The following CCDC141 variants were observed in gnomAD, a reference collection of about 807,000 sequenced individuals.
CCDC141 encodes coiled-coil domain-containing protein 141.
In CCDC141, 168 loss-of-function variants were observed where a neutral mutation model predicts 181.0. The ratio of observed to expected loss-of-function variants is 0.93; its 90% confidence interval spans 0.82 to 1.05. CCDC141 has a LOEUF of 1.05. Among genes scored for constraint, CCDC141 ranks in the 50% least tolerant of loss-of-function variants. CCDC141 has a pLI of 0.00. For missense variants in CCDC141, 1,902 were observed against 1,788.5 expected, an observed-to-expected ratio of 1.06 and a Z score of -1.14; for synonymous variants, 666 against 642.3, an observed-to-expected ratio of 1.04 and a Z score of -0.56.
intron 20 of CCDC141, among the ~76,000 whole-genome samples, chr2:178,850,894 T>G (rs987481597): frequency 6.6e-6 from 1 of 152,180 alleles, no homozygotes; most frequent in Admixed American, 6.5e-5. Context: ...ATTTTACAAA[T>G]GAGGAATGTG....
intron 4 of CCDC141, among the ~76,000 whole-genome samples, chr2:178,969,517 C>T (rs1690789283): frequency 6.6e-6 from 1 of 152,066 alleles, no homozygotes; most frequent in South Asian, 2.1e-4. Context: ...GAACCAATGA[C>T]AAAAAACACA....
At chr2:178,888,712 A>G (rs1363862726) in intron 8 of CCDC141, 44 bp from the exon 9 acceptor site, 1 of 1,545,622 alleles carries the variant, frequency 6.5e-7, no homozygotes, top group South Asian at 1.2e-5. Context: ...ACCCCAATAT[A>G]GAACACAGAA....
Position 178,865,846 on chromosome 2 carries a change from C to A in CCDC141, c.2645G>T (p.Trp882Leu). 1 of 1,607,180 alleles carries A rather than the reference C, an allele frequency of 6.2e-7. No homozygotes were observed. Among genetic ancestry groups the A allele is most frequent in the Non-Finnish European group, 8.5e-7 (1 of 1,176,430 alleles). ...TCCATACTCCTCAGCTTTGGCACGC[C>A]ACTTCATGCTGTCCTCCTCAAGGAG... ...LELLEEDSMK[W>L]RAKAEEYGRT... is the part of the protein sequence containing the mutation. Residue 882 changes from tryptophan (W) to leucine (L), a missense_variant, in exon 17 of 24, where the codon TGG (tryptophan) becomes TTG (leucine). Coordinates refer to ENST00000443758, the MANE Select transcript of CCDC141 (RefSeq NM_173648.4).
chr2:178,864,212 GAGA>G (rs1303705738), intron 17 of CCDC141, among the ~76,000 whole-genome samples: 1 of 152,050 alleles, frequency 6.6e-6, no homozygotes, highest in African/African-American at 2.4e-5. Flanking sequence ...GGAGGAGGAA[GAGA>G]AGGAGGGAAA....
At position 178,870,231 on chromosome 2, in the gene CCDC141, C is replaced by CAAAAAA. The variant is rs34625707; in HGVS notation, c.2206-932_2206-927dup. On this transcript the variant is annotated intron_variant, in intron 14 of 23. Transcript: ENST00000443758. ...TGGGCAACAGAGTAAGACTCTGTCT[C>CAAAAAA]AAAAAAAAAAAAAAAAAAAAAAAGA... Among the ~76,000 whole-genome samples, 285 of 60,186 alleles carry CAAAAAA rather than the reference C, an allele frequency of 4.7e-3. 11 individuals are homozygous for CAAAAAA. The highest frequency in any genetic ancestry group is 5.8e-3 in the Admixed American group (22 of 3,776). The allele number at this position is 60,186 out of a possible 152,430, so 39.5% of individuals were successfully genotyped here. A position where few individuals can be genotyped will look rare whatever the true frequency, so the allele number is the denominator to read the frequency against.
At position 178,884,946 on chromosome 2, in the gene CCDC141, C is replaced by T. The variant is rs762087554; in HGVS notation, c.1674G>A (p.Ser558=). The change falls in exon 11 of 24, where the codon TCG becomes TCA. Residue 558 remains serine, a synonymous_variant. Transcript: ENST00000443758. ...ATGCCACGTAAGTTTGCAGGACTTG[C>T]GATCTATAGTCAATGCTTTGGCCAA... ...NLFGQSIDYR[S]QVLQTYVAFL... 2.2e-5 allele frequency: 34 copies of T among 1,550,100 alleles called. No homozygotes were observed. In the South Asian group the frequency reaches 2.6e-4, roughly 12 times the overall value.
chr2:178,861,939 T>C (rs1490289085), intron 17 of CCDC141, among the ~76,000 whole-genome samples: 6 of 152,234 alleles, frequency 3.9e-5, no homozygotes, highest in Non-Finnish European at 4.4e-5. Flanking sequence ...TGTTTTGCCG[T>C]CTGTGCAAAC....
rs910695354 is a variant in CCDC141, at chr2:178,884,821, G to A, written c.1719+80C>T. The stretch of plus-strand genomic sequence containing the variant: ...AGAGGATATGGACCTACCCACCAAG[G>A]CAGAGCATATATCCCCACAGAAAGC... On this transcript the variant is annotated intron_variant, in intron 11 of 23. Coordinates refer to ENST00000443758, the MANE Select transcript of CCDC141 (RefSeq NM_173648.4). 7 of 1,171,990 alleles carry A rather than the reference G, an allele frequency of 6.0e-6. 1 individual carries two copies. In the Admixed American group the frequency reaches 8.5e-5, roughly 14 times the overall value. 72.6% of individuals were successfully genotyped at this position (1,171,990 alleles called of 1,614,324 possible). A position where few individuals can be genotyped will look rare whatever the true frequency, so the allele number is the denominator to read the frequency against.
In CCDC141 at chr2:178,878,067, G is replaced by C; in HGVS notation, c.1796C>G (p.Ala599Gly). 4 of 1,613,604 alleles carry C rather than the reference G, an allele frequency of 2.5e-6. No homozygotes were observed. The highest frequency in any genetic ancestry group is 3.4e-6 in the Non-Finnish European group (4 of 1,179,808). Residue 599 changes from alanine (A) to glycine (G), a missense_variant, in exon 12 of 24, where the codon GCC becomes GGC. Coordinates refer to ENST00000443758, the MANE Select transcript of CCDC141 (RefSeq NM_173648.4). ...IPQKEQDDAK[A>G]KHCSDSAEKQ... ...CTCAGCCGAGTCAGAACAATGCTTG[G>C]CTTTAGCATCATCCTGCTCCTTCTG...
At chr2:178,854,004 G>T (rs977367900) in intron 19 of CCDC141, among the ~76,000 whole-genome samples, 3 of 152,028 alleles carry the variant, frequency 2.0e-5, no homozygotes, top group Non-Finnish European at 4.4e-5. Context: ...ATGCTAAATG[G>T]CAAGAAAAAA....
At chr2:179,009,800 G>T (rs928143117) in intron 2 of CCDC141, among the ~76,000 whole-genome samples, 67 of 152,062 alleles carry the variant, frequency 4.4e-4, no homozygotes, top group African/African-American at 1.6e-3. Flanking sequence ...AAACCAACAA[G>T]AAATCCCTTT....
At chr2:178,964,755 T>C (rs1384102428) in intron 4 of CCDC141, among the ~76,000 whole-genome samples, 1 of 152,208 alleles carries the variant, frequency 6.6e-6, no homozygotes, top group African/African-American at 2.4e-5. Flanking sequence ...AAGTGATGTG[T>C]TTTTCCCCAA....
intron 6 of CCDC141, chr2:178,926,575 T>A (rs1366789115): frequency 6.6e-6 from 1 of 152,206 alleles, no homozygotes; most frequent in Non-Finnish European, 1.5e-5. Context: ...CTGTGCAATA[T>A]TGGATATCAT....
intron 2 of CCDC141, among the ~76,000 whole-genome samples, chr2:179,041,373 T>C (rs111675787): frequency 7.7e-4 from 117 of 152,252 alleles, no homozygotes; most frequent in African/African-American, 2.7e-3. Flanking sequence ...TTGATTTACA[T>C]TTCTCTAATG....
intron 2 of CCDC141, among the ~76,000 whole-genome samples, chr2:179,038,815 T>C (rs1016174285): frequency 2.6e-5 from 4 of 152,176 alleles, no homozygotes; most frequent in Non-Finnish European, 4.4e-5. Flanking sequence ...GGGTCATTCT[T>C]CACTGAATGC....
In CCDC141 at chr2:179,027,420, G is replaced by A. The variant is rs184971978; in HGVS notation, c.225+19864C>T. 4.0e-3 allele frequency among the ~76,000 whole-genome samples: 609 copies of A among 151,926 alleles called. 4 individuals are homozygous for A. Among genetic ancestry groups the A allele is most frequent in the African/African-American group, 0.014 (583 of 41,424 alleles). On this transcript the variant is annotated intron_variant, in intron 2 of 23. Coordinates refer to ENST00000443758, the MANE Select transcript of CCDC141 (RefSeq NM_173648.4). ...AGCATTTTGGGAGGCTGAGGCGGGC[G>A]GATCACAAGGTCAGGAGATCAAGAC... is the stretch of plus-strand genomic sequence containing the variant.
chr2:179,030,605 A>G (rs996518177), intron 2 of CCDC141, among the ~76,000 whole-genome samples: 5 of 152,084 alleles, frequency 3.3e-5, no homozygotes, highest in Non-Finnish European at 5.9e-5. Flanking sequence ...CTGGATTAGT[A>G]TATTTTCATT....
intron 22 of CCDC141, among the ~76,000 whole-genome samples, chr2:178,839,535 G>A (rs548180371): frequency 7.9e-6 from 1 of 126,846 alleles, no homozygotes; most frequent in Non-Finnish European, 1.6e-5. Context: ...GATCGAGATC[G>A]TGCCATTGTA....
chr2:178,987,992 T>C (rs1245969038), intron 2 of CCDC141, among the ~76,000 whole-genome samples: 1 of 151,538 alleles, frequency 6.6e-6, no homozygotes, highest in East Asian at 1.9e-4. Context: ...GGACTATAAA[T>C]CATGCTGCTA....
Sources: gnomAD v4.1 joint callset for allele counts (sites outside exome capture counted in the v4.1 genomes callset) on GRCh38, gnomAD v4.1.1 for gene constraint, MANE v1.5 for transcripts, NCBI Gene and HGNC (gene_info 2026-07-23, HGNC 2026-07-21) for gene names.